The following ZBTB20 variants were observed in gnomAD, a reference collection of about 807,000 sequenced individuals.
ZBTB20 encodes zinc finger and BTB domain containing 20, also known as zinc finger and BTB domain-containing protein 20.
Under a neutral mutation model 56.9 loss-of-function variants are expected in ZBTB20, and 9 were observed. The observed-to-expected ratio is 0.16, with a 90% CI of 0.10 to 0.28. The LOEUF (loss-of-function observed/expected upper bound fraction) is 0.28, where lower values mean the gene tolerates loss of function less well. ZBTB20 is among the 10% of genes least tolerant of loss of function. ZBTB20 has a pLI of 1.00. For missense variants in ZBTB20, 655 were observed against 1,003.0 expected, an observed-to-expected ratio of 0.65 and a Z score of 4.69; for synonymous variants, 417 against 420.7, an observed-to-expected ratio of 0.99 and a Z score of 0.11.
chr3:114,506,444 A>G (rs966307504), intron 6 of ZBTB20, among the ~76,000 whole-genome samples: 3 of 152,142 alleles, frequency 2.0e-5, no homozygotes, highest in Non-Finnish European at 4.4e-5. Context: ...CTGACAGACT[A>G]GAATGAAATG....
chr3:114,650,431 C>T lies in ZBTB20; in HGVS notation c.-295+43097G>A, dbSNP rs540327152. Among the ~76,000 whole-genome samples the T allele has an allele frequency of 4.0e-5, 6 of 151,004 alleles. No individual in the cohort carries two copies. The South Asian group carries it at 1.0e-3, about 26-fold the overall frequency. Reference sequence around the variant, plus strand: ...CTTTCTCCTGTTATTTTTAATATCCCTAGATTAAGAAATATTAACATCTAT... The same window carrying T: ...CTTTCTCCTGTTATTTTTAATATCCTTAGATTAAGAAATATTAACATCTAT... On this transcript the variant is annotated intron_variant, in intron 6 of 11. Coordinates refer to ENST00000675478, the MANE Select transcript of ZBTB20 (RefSeq NM_001348800.3).
Position 115,014,765 on chromosome 3 carries a change from C to T in ZBTB20, c.-506-40349G>A, listed in dbSNP as rs537406564. On this transcript the variant is annotated intron_variant, in intron 2 of 11. Coordinates refer to ENST00000675478, the MANE Select transcript of ZBTB20 (RefSeq NM_001348800.3). ...TGTTTATCAAAGCATCTATGATTAT[C>T]GGTGTCTTTTTTGTTTTTTGTTTCC... is the stretch of plus-strand genomic sequence containing the variant. 2.2e-4 allele frequency among the ~76,000 whole-genome samples: 34 copies of T among 151,710 alleles called. No individual in the cohort carries two copies. The South Asian group carries it at 4.8e-3, about 21-fold the overall frequency.
chr3:114,630,217 G>C (rs1052706068), intron 6 of ZBTB20, among the ~76,000 whole-genome samples: 1 of 152,128 alleles, frequency 6.6e-6, no homozygotes, highest in Non-Finnish European at 1.5e-5. Flanking sequence ...CATATCCAAG[G>C]AAGAGTCTCC....
intron 2 of ZBTB20, among the ~76,000 whole-genome samples, chr3:115,044,646 A>G (rs561180243): frequency 3.9e-5 from 6 of 152,326 alleles, no homozygotes; most frequent in South Asian, 2.1e-4. Flanking sequence ...AAACATACCA[A>G]TGCCAGAGCC....
At chr3:114,351,938 C>T (rs1275762609) in intron 10 of ZBTB20, 60 bp from the exon 11 acceptor site, 1 of 1,544,272 alleles carries the variant, frequency 6.5e-7, no homozygotes, top group Non-Finnish European at 8.8e-7. Flanking sequence ...TGGTTGCATT[C>T]CTAACACCTA....
At chr3:115,057,093 C>A (rs1412127330) in intron 2 of ZBTB20, among the ~76,000 whole-genome samples, 1 of 152,088 alleles carries the variant, frequency 6.6e-6, no homozygotes, top group South Asian at 2.1e-4. Context: ...ACAGTTAACC[C>A]CTTTTCATTA....
rs769226210 is a variant in ZBTB20 at position 114,339,075 on chromosome 3, A to G, written c.2156T>C (p.Val719Ala). 8.9e-6 allele frequency: 14 copies of G among 1,565,028 alleles called. No homozygotes were observed. Among genetic ancestry groups the G allele is most frequent in the Non-Finnish European group, 1.2e-5 (14 of 1,153,804 alleles). Residue 719 changes from valine (V) to alanine (A), a missense_variant, in exon 12 of 12, where the codon GTC (valine) becomes GCC (alanine). By Grantham distance (64) the Val-to-Ala change is moderately conservative (BLOSUM62 0). This residue lies in a region of ZBTB20 where 89 missense variants were observed against 79.7 expected (regional missense o/e 1.12). Coordinates refer to ENST00000675478, the MANE Select transcript of ZBTB20 (RefSeq NM_001348800.3). This position sits in a 1 kb window ranked among gnomAD's most constrained non-coding sequence, Gnocchi z 4.2. The part of the protein sequence containing the change: ...CTEGTTYVCS[V>A]CPAKFDQIEQ... The stretch of plus-strand genomic sequence containing the variant: ...GATTTGGTCAAACTTTGCTGGGCAG[A>G]CGGAGCAGACGTAAGTGGTCCCCTC...
intron 6 of ZBTB20, among the ~76,000 whole-genome samples, chr3:114,616,270 G>T (rs1432770503): frequency 1.3e-5 from 2 of 152,190 alleles, no homozygotes; most frequent in Admixed American, 1.3e-4. Context: ...GATCAGAAAT[G>T]AGGTGTATAG....
At chr3:114,407,338 G>A (rs2087435171) in intron 7 of ZBTB20, among the ~76,000 whole-genome samples, 1 of 152,176 alleles carries the variant, frequency 6.6e-6, no homozygotes, top group African/African-American at 2.4e-5. Flanking sequence ...CTACCAGAAA[G>A]TGGATTTTGA....
chr3:114,600,109 A>AC (rs1412952960), intron 6 of ZBTB20, among the ~76,000 whole-genome samples: 6 of 152,064 alleles, frequency 3.9e-5, no homozygotes, highest in African/African-American at 1.4e-4. Flanking sequence ...AAAATAAAAC[A>AC]CCATTATTGC....
chr3:114,517,143 TATCA>T, intron 6 of ZBTB20, among the ~76,000 whole-genome samples: 1 of 151,514 alleles, frequency 6.6e-6, no homozygotes, highest in African/African-American at 2.4e-5. Flanking sequence ...GTAATCAATC[TATCA>T]ATCAATATAT....
chr3:114,847,857 G>A (rs1230762246), intron 4 of ZBTB20, among the ~76,000 whole-genome samples: 1 of 152,194 alleles, frequency 6.6e-6, no homozygotes, highest in Non-Finnish European at 1.5e-5. Flanking sequence ...TTGATTGACT[G>A]AATGCGTGGC....
chr3:114,412,772 C>T (rs939123499), intron 7 of ZBTB20, among the ~76,000 whole-genome samples: 3 of 152,090 alleles, frequency 2.0e-5, no homozygotes, highest in South Asian at 2.1e-4. Flanking sequence ...CAGAAAACAT[C>T]GCCTTCTACT....
intron 2 of ZBTB20, among the ~76,000 whole-genome samples, chr3:114,977,520 G>T (rs914125547): frequency 1.3e-5 from 2 of 152,136 alleles, no homozygotes; most frequent in South Asian, 2.1e-4. Flanking sequence ...GAGGCCAGGG[G>T]AACTTAGGTA....
At position 114,883,916 on chromosome 3, in the gene ZBTB20, C is replaced by CCTTTTTTTTTTTTTTTTTTTT. The variant is rs1223732179; in HGVS notation, c.-417+16387_-417+16388insAAAAAAAAAAAAAAAAAAAAG. Among the ~76,000 whole-genome samples, 23 of 89,830 alleles carry CCTTTTTTTTTTTTTTTTTTTT rather than the reference C, an allele frequency of 2.6e-4. 7 individuals carry two copies. The highest frequency in any genetic ancestry group is 7.8e-4 in the East Asian group (2 of 2,552). 58.9% of individuals were successfully genotyped at this position (89,830 alleles called of 152,430 possible). A position where few individuals can be genotyped will look rare whatever the true frequency, so the allele number is the denominator to read the frequency against. On this transcript the variant is annotated intron_variant, in intron 4 of 11. Coordinates refer to ENST00000675478, the MANE Select transcript of ZBTB20 (RefSeq NM_001348800.3). ...GTATAACTGGTAAGAATGGTGTGTT[C>CCTTTTTTTTTTTTTTTTTTTT]TTTTTTTTTTTTTTTTTTTTTTTTT...
chr3:114,695,220 G>A (rs552643596), intron 5 of ZBTB20, among the ~76,000 whole-genome samples: 2 of 152,036 alleles, frequency 1.3e-5, no homozygotes, highest in South Asian at 2.1e-4. Context: ...TGAAAAATTC[G>A]AAACTGTTTA....
intron 4 of ZBTB20, among the ~76,000 whole-genome samples, chr3:114,868,055 G>A (rs867538257): frequency 3.3e-5 from 5 of 152,202 alleles, no homozygotes; most frequent in South Asian, 4.2e-4. Context: ...GGATCTCAGG[G>A]AACATGTGTT....
Position 114,893,201 on chromosome 3 carries a change from T to C in ZBTB20, c.-417+7103A>G, listed in dbSNP as rs911827424. On this transcript the variant is annotated intron_variant, in intron 4 of 11. Transcript: ENST00000675478. Reference sequence around the variant, plus strand: ...TCAGCTCATGGCAAGTTTGGCTAAGTCCTGGTGTACTCAGGTCCAAATGTG... The same window carrying C: ...TCAGCTCATGGCAAGTTTGGCTAAGCCCTGGTGTACTCAGGTCCAAATGTG... Among the ~76,000 whole-genome samples, 54 of 152,302 alleles carry C rather than the reference T, an allele frequency of 3.5e-4. 1 individual carries two copies. The highest frequency in any genetic ancestry group is 6.9e-4 in the Non-Finnish European group (47 of 68,014).
chr3:114,881,725 T>C (rs2076405324), intron 4 of ZBTB20, among the ~76,000 whole-genome samples: 1 of 151,896 alleles, frequency 6.6e-6, no homozygotes, highest in Admixed American at 6.6e-5. Flanking sequence ...TTAGTGATGA[T>C]CGCTGCCTTC....
Sources: allele counts gnomAD v4.1 joint callset (sites outside exome capture counted in the v4.1 genomes callset), GRCh38; gene constraint gnomAD v4.1.1; regional missense constraint gnomAD v4.1.1; non-coding constraint Gnocchi (gnomAD v3.1); transcripts MANE v1.5; gene names NCBI Gene and HGNC (gene_info 2026-07-23, HGNC 2026-07-21).